USP7: variants seen among roughly 807,000 people sequenced by gnomAD.
USP7 encodes the protein ubiquitin specific peptidase 7.
Under a neutral mutation model 162.9 loss-of-function variants are expected in USP7, and 9 were observed. The observed-to-expected ratio is 0.06, with a 90% confidence interval of 0.03 to 0.10. The LOEUF (loss-of-function observed/expected upper bound fraction) is 0.10, where lower values mean the gene tolerates loss of function less well. Among genes scored for constraint, USP7 ranks in the 10% least tolerant of loss-of-function variants. The pLI, the probability that USP7 is intolerant of heterozygous loss-of-function variation, is 1.00. For synonymous variants in USP7, 562 were observed against 475.9 expected (o/e 1.18, Z -2.35); for missense variants, 715 against 1,373.7 (o/e 0.52, Z 7.58).
intron 30 of USP7, 50 bp from the exon 31 acceptor site, chr16:8,894,154 C>A (rs373610737): frequency 1.1e-4 from 168 of 1,554,106 alleles, no homozygotes; most frequent in Non-Finnish European, 1.4e-4. Flanking sequence ...GCCCTGGAAC[C>A]CCTCAGCGGG....
At chr16:8,931,476 T>C (rs1898335230) in intron 1 of USP7, among the ~76,000 whole-genome samples, 1 of 152,188 alleles carries the variant, frequency 6.6e-6, no homozygotes, top group African/African-American at 2.4e-5. Context: ...CCCATGCCAG[T>C]GTCTTAAAAC....
chr16:8,958,211 T>G (rs1408782890), intron 1 of USP7, among the ~76,000 whole-genome samples: 1 of 152,158 alleles, frequency 6.6e-6, no homozygotes, highest in Non-Finnish European at 1.5e-5. Flanking sequence ...AAAAAGTGCA[T>G]GGGTCTTATG....
chr16:8,923,189 C>T (rs1897798990), intron 3 of USP7, 26 bp downstream of exon 3: 1 of 96,818 alleles, frequency 1.0e-5, no homozygotes, highest in East Asian at 1.9e-4. Flanking sequence ...TCAAATTTGG[C>T]TTCCAGTAAT....
rs746519002 is a variant in USP7, at chr16:8,916,999, T to A, written c.851+27A>T. ...AAAAAAAAAAAAAGAGGAAGCAGAA[T>A]GGCAAAGGCAGATGTCTAATACATA... is the stretch of plus-strand genomic sequence containing the variant. On this transcript the variant is annotated intron_variant, in intron 7 of 30. Coordinates refer to ENST00000344836, the MANE Select transcript of USP7 (RefSeq NM_003470.3). 5.3e-6 allele frequency: 8 copies of A among 1,510,138 alleles called. No homozygotes were observed. The African/African-American group carries it at 5.8e-5, about 11-fold the overall frequency. The allele number at this position is 1,510,138 out of a possible 1,614,324, so 93.5% of individuals were successfully genotyped here.
chr16:8,899,861 C>G, intron 21 of USP7, 104 bp from the exon 22 acceptor site: 2 of 1,362,638 alleles, frequency 1.5e-6, no homozygotes, highest in Non-Finnish European at 2.1e-6. Flanking sequence ...AACAGGCTCT[C>G]TTGCAAGATA....
At chr16:8,941,652 A>T (rs572754031) in intron 1 of USP7, among the ~76,000 whole-genome samples, 1 of 152,294 alleles carries the variant, frequency 6.6e-6, no homozygotes, top group African/African-American at 2.4e-5. Context: ...CTTGCTTGGT[A>T]CCAGGAAAGA....
chr16:8,937,790 G>A (rs1193025420), intron 1 of USP7, among the ~76,000 whole-genome samples: 1 of 152,156 alleles, frequency 6.6e-6, no homozygotes, highest in Non-Finnish European at 1.5e-5. Flanking sequence ...AAGCAGTTTG[G>A]GAGATGAAAC....
intron 7 of USP7, 54 bp from the exon 8 acceptor site, chr16:8,916,610 A>C: frequency 6.6e-7 from 1 of 1,523,678 alleles, no homozygotes; most frequent in South Asian, 1.2e-5. Context: ...CAAATGAGCA[A>C]ATTAAAAGTA....
Position 8,935,896 on chromosome 16 carries a change from C to T in USP7, c.80-5499G>A, listed in dbSNP as rs545209396. On this transcript the variant is annotated intron_variant, in intron 1 of 30. Coordinates refer to ENST00000344836, the MANE Select transcript of USP7 (RefSeq NM_003470.3). The stretch of plus-strand genomic sequence containing the variant: ...ACAGAACTGCTACCCCACCAGAGAA[C>T]ACCTCCCAATCGCTATGGAAGTTAC... The T allele has an allele frequency of 2.6e-5, 4 of 152,312 alleles. No homozygotes were observed. In the South Asian group the frequency reaches 8.3e-4, roughly 32 times the overall value. The allele number at this position is 152,312 out of a possible 1,614,324, so 9.4% of individuals were successfully genotyped here.
chr16:8,933,323 G>C (rs933738607), intron 1 of USP7, among the ~76,000 whole-genome samples: 3 of 152,078 alleles, frequency 2.0e-5, no homozygotes, highest in Non-Finnish European at 4.4e-5. Context: ...AAGACGGGAC[G>C]ATCACATAAG....
intron 2 of USP7, 78 bp downstream of exon 2, chr16:8,930,215 G>C: frequency 1.8e-6 from 2 of 1,115,490 alleles, no homozygotes; most frequent in Non-Finnish European, 2.6e-6. Context: ...ATGTACCCAA[G>C]AAGTACCAAG....
intron 18 of USP7, chr16:8,901,802 T>C: frequency 2.4e-6 from 1 of 421,702 alleles, no homozygotes; most frequent in Non-Finnish European, 4.2e-6. Flanking sequence ...GCAACCCTGC[T>C]CTTTAGGATC....
In USP7 at chr16:8,894,669, G is replaced by A. The variant is rs368574068; in HGVS notation, c.3112-29C>T. On this transcript the variant is annotated intron_variant, in intron 29 of 30. Transcript: ENST00000344836. ...AAAGAAAAAAAATTAAAACTCCTCC[G>A]TTATTTCTGTATATCAGCAAAACTC... 2.7e-5 allele frequency: 43 copies of A among 1,610,890 alleles called. No individual in the cohort carries two copies. In the African/African-American group the frequency reaches 4.6e-4, roughly 17 times the overall value.
At chr16:8,960,490 A>C (rs1033286501) in intron 1 of USP7, among the ~76,000 whole-genome samples, 1 of 152,234 alleles carries the variant, frequency 6.6e-6, no homozygotes, top group African/African-American at 2.4e-5. Flanking sequence ...GATAGAGACA[A>C]AACAAACGAA....
intron 25 of USP7, among the ~76,000 whole-genome samples, chr16:8,897,461 T>A (rs2061701216): frequency 6.6e-6 from 1 of 152,050 alleles, no homozygotes. Context: ...AGAGGCAGAC[T>A]GTGGGCCTTC....
At position 8,920,351 on chromosome 16, in the gene USP7, A is replaced by G; in HGVS notation, c.611+8T>C. On this transcript the variant is annotated splice_region_variant and intron_variant, in intron 5 of 30. Transcript: ENST00000344836. ...TTTTTAACAGCACCTGATTAAAGAAAAACTTACGCAACTCCATGGGGAGCA... is the reference window on the plus strand; with the variant it reads ...TTTTTAACAGCACCTGATTAAAGAAGAACTTACGCAACTCCATGGGGAGCA... 6.2e-7 allele frequency: 1 copy of G among 1,604,116 alleles called. No individual in the cohort carries two copies. Among genetic ancestry groups the G allele is most frequent in the Middle Eastern group, 1.7e-4 (1 of 5,998 alleles).
intron 1 of USP7, among the ~76,000 whole-genome samples, chr16:8,933,795 T>A (rs1467563749): frequency 6.6e-6 from 1 of 150,670 alleles, no homozygotes; most frequent in East Asian, 2.0e-4. Flanking sequence ...TTCCTCTATC[T>A]CCCAGGCTGG....
chr16:8,921,093 A>C (rs938715965), intron 4 of USP7, 64 bp downstream of exon 4: 8 of 1,527,590 alleles, frequency 5.2e-6, no homozygotes, highest in African/African-American at 1.4e-5. Context: ...TGAAAAATCA[A>C]AAAGTTAAGG....
At chr16:8,915,553 A>C (rs964687720) in intron 8 of USP7, 28 bp from the exon 9 acceptor site, 5 of 1,608,368 alleles carry the variant, frequency 3.1e-6, no homozygotes, top group African/African-American at 1.3e-5. Flanking sequence ...GGCTTTAAAA[A>C]AACTTTTTTG....
Sources: gnomAD v4.1 joint callset for allele counts (sites outside exome capture counted in the v4.1 genomes callset) on GRCh38, gnomAD v4.1.1 for gene constraint, MANE v1.5 for transcripts, NCBI Gene and HGNC (gene_info 2026-07-23, HGNC 2026-07-21) for gene names.